Variants in ADAM22 observed in about 807,000 individuals in gnomAD.
The protein encoded by ADAM22 is disintegrin and metalloproteinase domain-containing protein 22.
In ADAM22, 65 loss-of-function variants were observed where a neutral mutation model predicts 144.6. The observed-to-expected ratio is 0.45, with a 90% confidence interval of 0.37 to 0.55. The LOEUF is 0.55. Among genes scored for constraint, ADAM22 ranks in the 20% least tolerant of loss-of-function variants. The pLI is 0.00. For missense variants in ADAM22, 974 were observed against 1,184.9 expected (o/e 0.82, Z 2.61); for synonymous variants, 391 against 412.6 (o/e 0.95, Z 0.63).
Position 88,143,118 on chromosome 7 carries a change from C to A in ADAM22, c.1313C>A (p.Pro438His), listed in dbSNP as rs1835282265. 6 of 1,600,594 alleles carry A rather than the reference C, an allele frequency of 3.7e-6. No individual in the cohort carries two copies. Among genetic ancestry groups the A allele is most frequent in the South Asian group, 1.1e-5 (1 of 90,604 alleles). ...SGGGACLFNK[P>H]SKLLDPPECG... ...GGTGGTGCCTGCCTTTTCAACAAAC[C>A]TTCTAAGGTAATAAGTGTGGTTAAT... is the stretch of plus-strand genomic sequence containing the variant. Residue 438 changes from proline (P) to histidine (H), a missense_variant, in exon 15 of 32, where the codon CCT becomes CAT. Physicochemically the swap from Pro to His is moderately conservative, Grantham distance 77. Coordinates refer to ENST00000413139, the MANE Select transcript of ADAM22 (RefSeq NM_001324418.2).
chr7:87,973,031 G>A (rs919705769), intron 2 of ADAM22, among the ~76,000 whole-genome samples: 1 of 152,084 alleles, frequency 6.6e-6, no homozygotes, highest in Non-Finnish European at 1.5e-5. Context: ...ACATAGGCAC[G>A]GGCAGACTTC....
chr7:88,143,733 CGA>C (rs1835486048), intron 15 of ADAM22, among the ~76,000 whole-genome samples: 1 of 152,202 alleles, frequency 6.6e-6, no homozygotes, highest in Non-Finnish European at 1.5e-5. Flanking sequence ...TTTGTCCTTG[CGA>C]ATTATGTGAA....
intron 3 of ADAM22, among the ~76,000 whole-genome samples, chr7:88,038,766 G>T (rs921908422): frequency 6.6e-5 from 10 of 150,764 alleles, no homozygotes; most frequent in African/African-American, 2.2e-4. Context: ...CTGAATAATA[G>T]ATATTTCTTC....
chr7:88,103,210 GGGCATGT>G (rs1214660057), intron 4 of ADAM22, among the ~76,000 whole-genome samples: 8 of 152,164 alleles, frequency 5.3e-5, no homozygotes, highest in Non-Finnish European at 1.0e-4. Context: ...GCTTGATAGA[GGGCATGT>G]GACTATGGCT....
intron 30 of ADAM22, among the ~76,000 whole-genome samples, chr7:88,190,915 C>T (rs1286852537): frequency 2.0e-5 from 3 of 150,966 alleles, no homozygotes; most frequent in African/African-American, 7.3e-5. Context: ...CTTCTCTTCC[C>T]CTCAGGGTCC....
chr7:88,032,393 C>T (rs1472281296), intron 3 of ADAM22, among the ~76,000 whole-genome samples: 1 of 152,184 alleles, frequency 6.6e-6, no homozygotes, highest in Non-Finnish European at 1.5e-5. Flanking sequence ...GGGCTTGTAG[C>T]CCCTTGGTTT....
chr7:88,074,534 A>G (rs914736165), intron 3 of ADAM22, among the ~76,000 whole-genome samples: 4 of 152,236 alleles, frequency 2.6e-5, no homozygotes, highest in African/African-American at 9.6e-5. Context: ...AAGATGATAA[A>G]TGTCCTGATT....
chr7:88,028,443 A>T (rs1028669323), intron 3 of ADAM22, among the ~76,000 whole-genome samples: 1 of 152,144 alleles, frequency 6.6e-6, no homozygotes, highest in East Asian at 1.9e-4. Context: ...GAGGAGAAGA[A>T]TGTGTATTCT....
At chr7:88,181,168 C>T (rs1846928429) in intron 27 of ADAM22, among the ~76,000 whole-genome samples, 1 of 152,076 alleles carries the variant, frequency 6.6e-6, no homozygotes, top group Admixed American at 6.6e-5. Context: ...CCCATTATAA[C>T]TCTGCTGCTG....
At chr7:88,091,526 T>C (rs540757044) in intron 4 of ADAM22, among the ~76,000 whole-genome samples, 1 of 152,278 alleles carries the variant, frequency 6.6e-6, no homozygotes, top group Non-Finnish European at 1.5e-5. Flanking sequence ...GTTGGAGTAA[T>C]AGCAAATACT....
chr7:88,144,508 C>T (rs974933014), intron 15 of ADAM22, among the ~76,000 whole-genome samples: 13 of 152,134 alleles, frequency 8.5e-5, no homozygotes, highest in Non-Finnish European at 1.2e-4. Context: ...TTTATTAAGT[C>T]GATCAATGGA....
chr7:88,053,894 G>A (rs1261693945), intron 3 of ADAM22, among the ~76,000 whole-genome samples: 1 of 152,180 alleles, frequency 6.6e-6, no homozygotes, highest in Non-Finnish European at 1.5e-5. Context: ...ACTTTGGGAG[G>A]CTGAGGCGGG....
At chr7:88,082,486 T>C (rs942438861) in intron 4 of ADAM22, among the ~76,000 whole-genome samples, 3 of 152,108 alleles carry the variant, frequency 2.0e-5, no homozygotes, top group African/African-American at 7.2e-5. Flanking sequence ...AATTGACAAG[T>C]GGGATCTAAT....
intron 7 of ADAM22, among the ~76,000 whole-genome samples, chr7:88,118,525 G>C (rs1828385014): frequency 6.6e-6 from 1 of 151,870 alleles, no homozygotes; most frequent in African/African-American, 2.4e-5. Context: ...TGGGAATAAA[G>C]CTATAATTTA....
intron 2 of ADAM22, among the ~76,000 whole-genome samples, chr7:87,947,772 T>C (rs959817447): frequency 1.3e-5 from 2 of 152,222 alleles, no homozygotes; most frequent in Non-Finnish European, 2.9e-5. Context: ...TGATGAACTT[T>C]GCAGTTATTG....
intron 3 of ADAM22, among the ~76,000 whole-genome samples, chr7:88,061,399 A>G (rs1809822597): frequency 2.0e-5 from 3 of 152,318 alleles, no homozygotes; most frequent in East Asian, 1.9e-4. Flanking sequence ...AGGAATCGCT[A>G]TCTATGGCAG....
chr7:88,015,446 C>T (rs1030216609), intron 3 of ADAM22, among the ~76,000 whole-genome samples: 1 of 152,160 alleles, frequency 6.6e-6, no homozygotes, highest in African/African-American at 2.4e-5. Context: ...CTTAGTTGTA[C>T]ATTTGGAATC....
chr7:88,036,235 A>G (rs1219070893), intron 3 of ADAM22, among the ~76,000 whole-genome samples: 1 of 152,190 alleles, frequency 6.6e-6, no homozygotes, highest in Non-Finnish European at 1.5e-5. Context: ...GGAAATTACC[A>G]AAACCTTCAC....
At chr7:88,075,464 CTG>C (rs371215965) in intron 3 of ADAM22, among the ~76,000 whole-genome samples, 160 bp from the exon 4 acceptor site, 33 of 131,852 alleles carry the variant, frequency 2.5e-4, no homozygotes, top group Non-Finnish European at 4.3e-4. Flanking sequence ...GTGTGTGTGT[CTG>C]TGTGTGTGTG....
Sources: gnomAD v4.1 joint callset for allele counts (sites outside exome capture counted in the v4.1 genomes callset) on GRCh38, gnomAD v4.1.1 for gene constraint, MANE v1.5 for transcripts, NCBI Gene and HGNC (gene_info 2026-07-23, HGNC 2026-07-21) for gene names.